PCDHGA7: variants seen among roughly 807,000 people sequenced by gnomAD.
The protein encoded by PCDHGA7 is protocadherin gamma subfamily A, 7.
A neutral mutation model predicts 58.3 loss-of-function variants in PCDHGA7; 44 were observed. The observed-to-expected ratio is 0.75, with a 90% CI of 0.59 to 0.97. The LOEUF is 0.97. PCDHGA7 is among the 50% of genes least tolerant of loss of function. The pLI, the probability that PCDHGA7 is intolerant of heterozygous loss-of-function variation, is 0.00. For synonymous variants in PCDHGA7, 516 were observed against 504.2 expected, an observed-to-expected ratio of 1.02 and a Z score of -0.31; for missense variants, 1,266 against 1,188.7, an observed-to-expected ratio of 1.06 and a Z score of -0.96.
chr5:141,393,504 A>T, intron 1 of PCDHGA7: 1 of 1,614,036 alleles, frequency 6.2e-7, no homozygotes. Flanking sequence ...CATCCACGTG[A>T]CAGTGTTGGA....
chr5:141,395,070 T>G lies in PCDHGA7; in HGVS notation c.2424+9747T>G. Reference sequence around the variant, plus strand: ...GGAGGTACAGGCTTTCCTGCAGACCTATTCCCAGGAAGTCTCCCTCACCGC... The same window carrying G: ...GGAGGTACAGGCTTTCCTGCAGACCGATTCCCAGGAAGTCTCCCTCACCGC... On this transcript the variant is annotated intron_variant, in intron 1 of 3. Transcript: ENST00000518325. 1 of 1,614,158 alleles carries G rather than the reference T, an allele frequency of 6.2e-7. No homozygotes were observed. The highest frequency in any genetic ancestry group is 1.3e-5 in the African/African-American group (1 of 75,046).
At chr5:141,393,820 C>T (rs2092851099) in intron 1 of PCDHGA7, 1 of 1,613,918 alleles carries the variant, frequency 6.2e-7, no homozygotes, top group Non-Finnish European at 8.5e-7. Context: ...TTGCTCATTT[C>T]GGTGGAAGAT....
chr5:141,409,647 G>A, intron 1 of PCDHGA7: 2 of 1,613,668 alleles, frequency 1.2e-6, no homozygotes, highest in Non-Finnish European at 1.7e-6. Context: ...CCGGATTTGG[G>A]GCTCAATGGC....
At position 141,465,659 on chromosome 5, in the gene PCDHGA7, T is replaced by C. The variant is rs184749770; in HGVS notation, c.2425-29148T>C. Among the ~76,000 whole-genome samples the C allele has an allele frequency of 3.5e-4, 53 of 152,318 alleles. 1 individual carries two copies. Among genetic ancestry groups the C allele is most frequent in the African/African-American group, 1.2e-3 (50 of 41,576 alleles). ...TGCTTTGAACATCCCAAAAAAGCGC[T>C]TGCCATGACATTTGCTCTTGACCAG... On this transcript the variant is annotated intron_variant, in intron 1 of 3. Transcript: ENST00000518325.
intron 1 of PCDHGA7, chr5:141,394,735 G>C: frequency 6.2e-7 from 1 of 1,613,450 alleles, no homozygotes; most frequent in Non-Finnish European, 8.5e-7. Context: ...CTCAAGCAGA[G>C]CCTCGTGGTG....
intron 1 of PCDHGA7, chr5:141,389,657 G>C (rs372714152): frequency 8.1e-6 from 13 of 1,612,432 alleles, no homozygotes; most frequent in African/African-American, 2.7e-5. Context: ...AGGTAGTGGC[G>C]GTGGACGCAG....
intron 1 of PCDHGA7, chr5:141,408,468 G>T: frequency 6.2e-7 from 1 of 1,614,070 alleles, no homozygotes; most frequent in Non-Finnish European, 8.5e-7. Context: ...GTGAAGAACC[G>T]AATAGACCGT....
intron 1 of PCDHGA7, chr5:141,387,676 G>C: frequency 2.7e-6 from 2 of 732,232 alleles, no homozygotes; most frequent in Non-Finnish European, 4.3e-6. Context: ...AGATCTCCTC[G>C]CGCAGCCGCA....
intron 1 of PCDHGA7, chr5:141,427,240 C>G (rs1447231420): frequency 1.3e-5 from 6 of 456,536 alleles, no homozygotes; most frequent in Non-Finnish European, 2.6e-5. Context: ...AGAGTAGAAG[C>G]TAAGGATGGT....
At chr5:141,410,022 A>C (rs557770094) in intron 1 of PCDHGA7, 2 of 1,613,094 alleles carry the variant, frequency 1.2e-6, no homozygotes, top group South Asian at 2.2e-5. Context: ...CTGTCCTACC[A>C]CGTGCTGCAG....
At chr5:141,436,071 A>G (rs1419598304) in intron 1 of PCDHGA7, among the ~76,000 whole-genome samples, 1 of 152,222 alleles carries the variant, frequency 6.6e-6, no homozygotes. Context: ...TAATAAGTAC[A>G]GTGTTCTATA....
intron 1 of PCDHGA7, chr5:141,403,857 C>T (rs1431988074): frequency 6.2e-7 from 1 of 1,613,412 alleles, no homozygotes; most frequent in South Asian, 1.1e-5. Flanking sequence ...GGGGAAATAT[C>T]AACAGCAAAA....
chr5:141,383,224 C>T lies in PCDHGA7; in HGVS notation c.325C>T (p.Leu109=). Residue 109 remains leucine (L), a synonymous_variant, in exon 1 of 4, where the codon CTG becomes TTG. Coordinates refer to ENST00000518325, the MANE Select transcript of PCDHGA7 (RefSeq NM_018920.4). ...GCGGTGTCTGGTAAACTTTAACATCCTGATGGAAGATAAAATGAATCTTTA... is the reference window on the plus strand; with the variant it reads ...GCGGTGTCTGGTAAACTTTAACATCTTGATGGAAGATAAAATGAATCTTTA... The part of the protein sequence containing the change: ...SARCLVNFNI[L]MEDKMNLYPI... The T allele has an allele frequency of 6.2e-7, 1 of 1,613,968 alleles. No individual in the cohort carries two copies. The highest frequency in any genetic ancestry group is 1.1e-5 in the South Asian group (1 of 91,086).
In PCDHGA7 at chr5:141,476,599, TC is replaced by T; in HGVS notation, c.2425-18205del. The T allele has an allele frequency of 6.2e-7, 1 of 1,614,210 alleles. No individual in the cohort carries two copies. ...GCTTTCCGCTCGAGAGCGCGCACGA[TC>T]CCGATGTGGGAAGCAACTCTTTACA... is the stretch of plus-strand genomic sequence containing the variant. On this transcript the variant is annotated intron_variant, in intron 1 of 3. Transcript: ENST00000518325. This position sits in a 1 kb window ranked among gnomAD's most constrained non-coding sequence, Gnocchi z 7.6.
intron 1 of PCDHGA7, chr5:141,417,966 C>T: frequency 6.2e-7 from 1 of 1,613,776 alleles, no homozygotes; most frequent in Non-Finnish European, 8.5e-7. Flanking sequence ...ATCCGCTACT[C>T]GATTCCGGAG....
chr5:141,402,281 C>A (rs1589453227), intron 1 of PCDHGA7, among the ~76,000 whole-genome samples: 1 of 151,846 alleles, frequency 6.6e-6, no homozygotes, highest in African/African-American at 2.4e-5. Flanking sequence ...AGTGGATAAT[C>A]TATCCTTATA....
intron 1 of PCDHGA7, among the ~76,000 whole-genome samples, chr5:141,446,948 T>C (rs1166868490): frequency 6.6e-6 from 1 of 152,186 alleles, no homozygotes; most frequent in African/African-American, 2.4e-5. Context: ...GTAAGAAACA[T>C]CCAGCACCCA....
At chr5:141,388,657 G>A (rs769160604) in intron 1 of PCDHGA7, 2 of 1,613,760 alleles carry the variant, frequency 1.2e-6, no homozygotes, top group Admixed American at 1.7e-5. Context: ...GTGTACCCGG[G>A]GACCACGGTG....
chr5:141,394,083 G>T, intron 1 of PCDHGA7: 1 of 1,613,826 alleles, frequency 6.2e-7, no homozygotes, highest in Non-Finnish European at 8.5e-7. Flanking sequence ...CACAGTGATG[G>T]CCTCAGATCT....
Sources: gnomAD v4.1 joint callset for allele counts (sites outside exome capture counted in the v4.1 genomes callset) on GRCh38, gnomAD v4.1.1 for gene constraint, Gnocchi (gnomAD v3.1) non-coding constraint, MANE v1.5 for transcripts, NCBI Gene and HGNC (gene_info 2026-07-23, HGNC 2026-07-21) for gene names.